Variants in SPATA6 observed in about 807,000 individuals in gnomAD.
The protein encoded by SPATA6 is spermatogenesis associated 6, also known as spermatogenesis-associated protein 6.
A neutral mutation model predicts 65.3 loss-of-function variants in SPATA6; 56 were observed. The observed-to-expected ratio is 0.86, with a 90% CI of 0.69 to 1.07. The LOEUF (loss-of-function observed/expected upper bound fraction) is 1.07, where lower values mean the gene tolerates loss of function less well. Ranked by LOEUF, SPATA6 falls within the 50% of genes least tolerant of loss-of-function variation. SPATA6 has a pLI of 0.00. For synonymous variants in SPATA6, 199 were observed against 213.2 expected, an observed-to-expected ratio of 0.93 and a Z score of 0.58; for missense variants, 590 against 594.8, an observed-to-expected ratio of 0.99 and a Z score of 0.08.
intron 9 of SPATA6, among the ~76,000 whole-genome samples, chr1:48,362,452 T>A (rs2148823953): frequency 6.6e-6 from 1 of 152,294 alleles, no homozygotes; most frequent in Non-Finnish European, 1.5e-5. Flanking sequence ...CTAGTCAGCA[T>A]TGCTTTATAT....
intron 8 of SPATA6, among the ~76,000 whole-genome samples, chr1:48,394,042 T>C (rs1165892658): frequency 6.6e-6 from 1 of 152,078 alleles, no homozygotes; most frequent in Non-Finnish European, 1.5e-5. Context: ...CACAGACTCA[T>C]ATACAGACAG....
rs139217427 is a variant in SPATA6, at chr1:48,345,404, T to C, written c.1194+10266A>G. Among the ~76,000 whole-genome samples, 245 of 152,046 alleles carry C rather than the reference T, an allele frequency of 1.6e-3. 2 individuals are homozygous for C. The highest frequency in any genetic ancestry group is 2.9e-3 in the Non-Finnish European group (199 of 67,926). On this transcript the variant is annotated intron_variant, in intron 11 of 12. Transcript: ENST00000371847. The stretch of plus-strand genomic sequence containing the variant: ...ATCAAAAAGTTAGAAAGATCTCAAA[T>C]TTTAAAACAACATAACATCACAACT...
chr1:48,281,176 A>T, the SPATA6 span, among the ~76,000 whole-genome samples: 2 of 152,144 alleles, frequency 1.3e-5, no homozygotes, highest in Non-Finnish European at 2.9e-5. Context: ...TATTGATGGG[A>T]TGTATCTCAA....
intron 3 of SPATA6, among the ~76,000 whole-genome samples, chr1:48,448,324 T>G (rs1389969514): frequency 6.6e-6 from 1 of 151,404 alleles, no homozygotes; most frequent in Non-Finnish European, 1.5e-5. Flanking sequence ...TAGGTACAGG[T>G]TGAATATCCC....
At chr1:48,421,642 A>G (rs1653349915) in intron 3 of SPATA6, among the ~76,000 whole-genome samples, 1 of 152,276 alleles carries the variant, frequency 6.6e-6, no homozygotes, top group African/African-American at 2.4e-5. Flanking sequence ...TTGTCACTTT[A>G]CTATATATCA....
chr1:48,408,597 A>G (rs112802580), intron 5 of SPATA6, among the ~76,000 whole-genome samples: 3,559 of 152,320 alleles, frequency 0.023, 38 homozygotes, highest in South Asian at 0.06. Context: ...GAGAGAATAC[A>G]TCTTTAAGAT....
At chr1:48,313,685 C>G (rs1220599044) in intron 11 of SPATA6, among the ~76,000 whole-genome samples, 1 of 152,128 alleles carries the variant, frequency 6.6e-6, no homozygotes, top group African/African-American at 2.4e-5. Context: ...ATCAAATTCA[C>G]ACATAACCAT....
chr1:48,440,389 T>C (rs1221156059), intron 3 of SPATA6, among the ~76,000 whole-genome samples: 3 of 152,158 alleles, frequency 2.0e-5, no homozygotes, highest in Non-Finnish European at 2.9e-5. Context: ...ACCCTGGCCT[T>C]TAACAAAAAG....
chr1:48,294,472 C>T (rs1644788063), downstream of SPATA6, among the ~76,000 whole-genome samples: 1 of 152,184 alleles, frequency 6.6e-6, no homozygotes, highest in African/African-American at 2.4e-5. Flanking sequence ...AGGTCCAGCA[C>T]TCTCAGGGTG....
intron 10 of SPATA6, among the ~76,000 whole-genome samples, chr1:48,357,028 T>C (rs1646681482): frequency 6.6e-6 from 1 of 152,168 alleles, no homozygotes. Context: ...GATCCAACTA[T>C]GCAGCTCTGA....
At chr1:48,330,688 C>T (rs1161114463) in intron 11 of SPATA6, among the ~76,000 whole-genome samples, 1 of 152,224 alleles carries the variant, frequency 6.6e-6, no homozygotes, top group South Asian at 2.1e-4. Flanking sequence ...CTCCTGCTGC[C>T]CTGAAAAAGC....
intron 11 of SPATA6, among the ~76,000 whole-genome samples, chr1:48,332,165 C>G (rs1645934682): frequency 6.6e-6 from 1 of 152,104 alleles, no homozygotes; most frequent in East Asian, 1.9e-4. Context: ...ATAAAGCCAC[C>G]ACACAAACAA....
At chr1:48,300,263 CCTT>C (rs1315844284) in intron 12 of SPATA6, among the ~76,000 whole-genome samples, 4 of 152,144 alleles carry the variant, frequency 2.6e-5, no homozygotes, top group African/African-American at 7.2e-5. Flanking sequence ...AAATAATTGA[CCTT>C]CTTCAAGGTC....
intron 2 of SPATA6, among the ~76,000 whole-genome samples, chr1:48,451,998 A>G (rs1211768220): frequency 2.0e-5 from 3 of 152,178 alleles, no homozygotes; most frequent in Non-Finnish European, 4.4e-5. Flanking sequence ...GCCTTCTCTG[A>G]CCACCTTTTA....
chr1:48,441,205 G>A (rs1435603234), intron 3 of SPATA6, among the ~76,000 whole-genome samples: 4 of 152,210 alleles, frequency 2.6e-5, no homozygotes, highest in Non-Finnish European at 4.4e-5. Flanking sequence ...CAGGGCAAGT[G>A]CCAGCTCATG....
At chr1:48,434,845 C>A (rs1397166179) in intron 3 of SPATA6, among the ~76,000 whole-genome samples, 11 of 152,080 alleles carry the variant, frequency 7.2e-5, no homozygotes, top group Admixed American at 3.9e-4. Flanking sequence ...ATACATTAGG[C>A]ATAACTTATT....
chr1:48,392,908 G>A (rs1650213530), intron 8 of SPATA6, among the ~76,000 whole-genome samples: 1 of 151,508 alleles, frequency 6.6e-6, no homozygotes, highest in African/African-American at 2.4e-5. Flanking sequence ...TGTCAGCCAG[G>A]GGAAAAAATA....
chr1:48,469,895 G>A (rs767554594), intron 1 of SPATA6, among the ~76,000 whole-genome samples: 13 of 151,856 alleles, frequency 8.6e-5, no homozygotes, highest in Non-Finnish European at 1.6e-4. Flanking sequence ...AAAAATTCGG[G>A]AACATTTTGC....
At chr1:48,268,046 C>T in the SPATA6 span, among the ~76,000 whole-genome samples, 11 of 151,938 alleles carry the variant, frequency 7.2e-5, no homozygotes, top group South Asian at 2.1e-4. Context: ...CCACCGCGCC[C>T]GGCCAGGTCT....
Sources: gnomAD v4.1 joint callset for allele counts (sites outside exome capture counted in the v4.1 genomes callset) on GRCh38, gnomAD v4.1.1 for gene constraint, MANE v1.5 for transcripts, NCBI Gene and HGNC (gene_info 2026-07-23, HGNC 2026-07-21) for gene names.